Variants in TENM4 observed in about 807,000 individuals in gnomAD.
The protein encoded by TENM4 is teneurin transmembrane protein 4, also known as teneurin-4.
A neutral mutation model predicts 243.3 loss-of-function variants in TENM4; 82 were observed. The observed-to-expected ratio is 0.34, with a 90% CI of 0.28 to 0.40. The LOEUF is 0.40. TENM4 is among the 10% of genes least tolerant of loss of function. The probability of loss-of-function intolerance (pLI) is 1.00; values close to 1 mark genes in which losing one functional copy is unlikely to be tolerated. For missense variants in TENM4, 3,138 were observed against 3,673.3 expected (o/e 0.85, Z 3.77); for synonymous variants, 1,412 against 1,456.3 (o/e 0.97, Z 0.69).
chr11:78,779,400 G>A (rs1856799744), intron 16 of TENM4, among the ~76,000 whole-genome samples: 1 of 152,194 alleles, frequency 6.6e-6, no homozygotes, highest in South Asian at 2.1e-4. Flanking sequence ...AAAGATGTGT[G>A]CTTTGTTTTC....
chr11:78,694,723 CTG>C (rs925982181), intron 28 of TENM4, among the ~76,000 whole-genome samples: 1 of 152,224 alleles, frequency 6.6e-6, no homozygotes, highest in African/African-American at 2.4e-5. Context: ...CCCCTGCAGA[CTG>C]TGTCACTGGG....
Position 78,653,265 on chromosome 11 carries a change from A to G in TENM4, c.*4793T>C, listed in dbSNP as rs1196706528. 1 of 152,174 alleles carries G rather than the reference A, an allele frequency of 6.6e-6. No homozygotes were observed. Among genetic ancestry groups the G allele is most frequent in the Non-Finnish European group, 1.5e-5 (1 of 68,028 alleles). 9.4% of individuals were successfully genotyped at this position (152,174 alleles called of 1,614,324 possible). On this transcript the variant is annotated 3_prime_UTR_variant, in exon 34 of 34. Coordinates refer to ENST00000278550, the MANE Select transcript of TENM4 (RefSeq NM_001098816.3). ...AAGAGGAAGCCTTTATCTCCAAGCA[A>G]AGGCCACCAGACACCTGTAAACACA...
intron 4 of TENM4, among the ~76,000 whole-genome samples, chr11:79,080,078 C>T (rs893701520): frequency 2.6e-5 from 4 of 152,180 alleles, no homozygotes; most frequent in African/African-American, 9.7e-5. Context: ...ATGCCTTTGC[C>T]TCAGCAATAG....
At chr11:79,110,658 C>T (rs148466961) in intron 4 of TENM4, among the ~76,000 whole-genome samples, 13 of 152,256 alleles carry the variant, frequency 8.5e-5, no homozygotes, top group African/African-American at 2.6e-4. Flanking sequence ...TCCATAGAAA[C>T]GTGCATGTCA....
chr11:78,730,423 G>C (rs1039125148), intron 21 of TENM4, among the ~76,000 whole-genome samples: 1 of 152,196 alleles, frequency 6.6e-6, no homozygotes, highest in African/African-American at 2.4e-5. Flanking sequence ...AGGACCTGTG[G>C]TTCACAGCCC....
intron 2 of TENM4, among the ~76,000 whole-genome samples, chr11:79,275,656 T>C (rs1385296607): frequency 6.6e-6 from 1 of 151,942 alleles, no homozygotes; most frequent in Non-Finnish European, 1.5e-5. Context: ...CCAGTAACCG[T>C]TTCAAAACAG....
At chr11:79,208,117 T>C (rs1447372012) in intron 3 of TENM4, among the ~76,000 whole-genome samples, 1 of 152,074 alleles carries the variant, frequency 6.6e-6, no homozygotes, top group Non-Finnish European at 1.5e-5. Context: ...AGCAGGAGTC[T>C]CTATCAGGAG....
At chr11:78,971,718 G>A (rs1857550616) in intron 6 of TENM4, among the ~76,000 whole-genome samples, 1 of 151,944 alleles carries the variant, frequency 6.6e-6, no homozygotes, top group African/African-American at 2.4e-5. Context: ...ATCCCTAAAA[G>A]TATGATGTCT....
At chr11:78,721,935 C>T (rs1012066655) in intron 24 of TENM4, among the ~76,000 whole-genome samples, 3 of 152,280 alleles carry the variant, frequency 2.0e-5, no homozygotes, top group South Asian at 4.1e-4. Flanking sequence ...GTTAGGGAGG[C>T]ATAGAGAAAA....
chr11:79,416,637 C>A (rs1209224349), intron 1 of TENM4, among the ~76,000 whole-genome samples: 5 of 152,156 alleles, frequency 3.3e-5, no homozygotes, highest in African/African-American at 1.2e-4. Flanking sequence ...TCATCTCACC[C>A]TCATAACAAC....
chr11:78,851,249 T>A (rs1264587557), intron 12 of TENM4, among the ~76,000 whole-genome samples: 1 of 152,090 alleles, frequency 6.6e-6, no homozygotes, highest in Non-Finnish European at 1.5e-5. Context: ...GATCCTCAGG[T>A]GGTTCACTCA....
intron 2 of TENM4, among the ~76,000 whole-genome samples, chr11:79,282,933 G>A (rs1278341372): frequency 6.6e-6 from 1 of 152,284 alleles, no homozygotes; most frequent in South Asian, 2.1e-4. Context: ...CTGCCCGTAA[G>A]GAAATTTTCA....
intron 3 of TENM4, among the ~76,000 whole-genome samples, chr11:79,199,230 T>A (rs1481849653): frequency 6.6e-6 from 1 of 152,164 alleles, no homozygotes; most frequent in Non-Finnish European, 1.5e-5. Context: ...AAATTGGAGA[T>A]GATGATAATA....
chr11:78,986,736 A>G (rs146817659), intron 6 of TENM4, among the ~76,000 whole-genome samples: 1,676 of 152,174 alleles, frequency 0.011, 37 homozygotes, highest in African/African-American at 0.038. Flanking sequence ...ATGATGCCTG[A>G]CTAATTTTTG....
chr11:79,099,066 G>T (rs529663666), intron 4 of TENM4, among the ~76,000 whole-genome samples: 1 of 152,188 alleles, frequency 6.6e-6, no homozygotes, highest in African/African-American at 2.4e-5. Context: ...CCTGACTTAC[G>T]GTAACTCACC....
chr11:79,069,170 T>C lies in TENM4; in HGVS notation c.223+552A>G, dbSNP rs1860342843. On this transcript the variant is annotated intron_variant, in intron 5 of 33. Transcript: ENST00000278550. ...GAGGGAGCCAGGCACCAGAATATCC[T>C]ACAAATTACTAAGTTTTCATGTCTA... is the stretch of plus-strand genomic sequence containing the variant. Among the ~76,000 whole-genome samples the C allele has an allele frequency of 6.6e-5, 10 of 152,252 alleles. No individual in the cohort carries two copies. In the South Asian group the frequency reaches 2.1e-3, roughly 32 times the overall value.
At chr11:79,189,991 TTAGA>T (rs1167618048) in intron 3 of TENM4, among the ~76,000 whole-genome samples, 9 of 152,148 alleles carry the variant, frequency 5.9e-5, no homozygotes, top group Non-Finnish European at 1.5e-5. Flanking sequence ...GTAGCAGGAT[TTAGA>T]TAGAGATGAC....
chr11:79,175,378 A>AT (rs1863140487), intron 3 of TENM4, among the ~76,000 whole-genome samples: 1 of 152,224 alleles, frequency 6.6e-6, no homozygotes. Context: ...TGCCAACTGA[A>AT]TATCAGTGCT....
intron 3 of TENM4, among the ~76,000 whole-genome samples, chr11:79,155,832 A>G (rs1424297600): frequency 6.6e-6 from 1 of 150,660 alleles, no homozygotes; most frequent in Non-Finnish European, 1.5e-5. Flanking sequence ...GAGATCTGGG[A>G]TATAAACATG....
Sources: allele counts gnomAD v4.1 joint callset (sites outside exome capture counted in the v4.1 genomes callset), GRCh38; gene constraint gnomAD v4.1.1; transcripts MANE v1.5; gene names NCBI Gene and HGNC (gene_info 2026-07-23, HGNC 2026-07-21).